The following AKT3 variants were observed in gnomAD, a reference collection of about 807,000 sequenced individuals.
AKT3 encodes the protein AKT serine/threonine kinase 3.
Under a neutral mutation model 65.3 loss-of-function variants are expected in AKT3, and 15 were observed. The ratio of observed to expected loss-of-function variants is 0.23; its 90% CI spans 0.15 to 0.35. AKT3 has a LOEUF of 0.35. Ranked by LOEUF, AKT3 falls within the 10% of genes least tolerant of loss-of-function variation. The pLI is 1.00. For missense variants in AKT3, 243 were observed against 576.5 expected (o/e 0.42, Z 5.92); for synonymous variants, 206 against 183.8 (o/e 1.12, Z -0.98).
intron 10 of AKT3, among the ~76,000 whole-genome samples, chr1:243,557,740 A>T (rs557458088): frequency 3.3e-5 from 5 of 151,880 alleles, no homozygotes; most frequent in Non-Finnish European, 7.4e-5. Context: ...TCATCCCTCT[A>T]CTCCTTTAAT....
At chr1:243,845,124 T>C (rs1172533119) in intron 1 of AKT3, among the ~76,000 whole-genome samples, 3 of 152,256 alleles carry the variant, frequency 2.0e-5, no homozygotes, top group Non-Finnish European at 4.4e-5. Flanking sequence ...CATTCTTCAA[T>C]GCAAATTAAG....
intron 2 of AKT3, among the ~76,000 whole-genome samples, chr1:243,837,410 C>T (rs545030154): frequency 1.3e-4 from 20 of 152,170 alleles, no homozygotes; most frequent in Non-Finnish European, 1.9e-4. Flanking sequence ...AAATACAATC[C>T]ACCTTATGAG....
chr1:243,708,060 A>G (rs1685915943), intron 2 of AKT3, among the ~76,000 whole-genome samples: 2 of 152,174 alleles, frequency 1.3e-5, no homozygotes, highest in African/African-American at 4.8e-5. Flanking sequence ...TATCAAAGAC[A>G]CAAAAACTAA....
At chr1:243,717,266 G>A (rs961024763) in intron 2 of AKT3, among the ~76,000 whole-genome samples, 1 of 152,116 alleles carries the variant, frequency 6.6e-6, no homozygotes, top group Non-Finnish European at 1.5e-5. Context: ...AAGTCTTTTA[G>A]TATACTAGGT....
intron 2 of AKT3, among the ~76,000 whole-genome samples, chr1:243,777,322 A>C (rs1690616589): frequency 6.6e-6 from 1 of 152,178 alleles, no homozygotes; most frequent in East Asian, 1.9e-4. Flanking sequence ...CAAGAGGTGG[A>C]GCTCAGGTGG....
chr1:243,633,319 T>G (rs1214454943), intron 6 of AKT3, among the ~76,000 whole-genome samples: 1 of 152,154 alleles, frequency 6.6e-6, no homozygotes, highest in Non-Finnish European at 1.5e-5. Flanking sequence ...AGATGAAGAA[T>G]TAAAGATCTG....
At chr1:243,536,043 C>T (rs748363128) in intron 12 of AKT3, among the ~76,000 whole-genome samples, 1 of 152,026 alleles carries the variant, frequency 6.6e-6, no homozygotes, top group Non-Finnish European at 1.5e-5. Flanking sequence ...AATGTGTATT[C>T]ATGTTGCTTG....
At chr1:243,499,126 T>TGAACTTGTGATTCTCCCC (rs1668840049), downstream of AKT3, among the ~76,000 whole-genome samples, 1 of 152,242 alleles carries the variant, frequency 6.6e-6, no homozygotes, top group Non-Finnish European at 1.5e-5. Flanking sequence ...CAATACTTTC[T>TGAACTTGTGATTCTCCCC]GAACTTGTGA....
At chr1:243,635,341 A>T (rs1391730435) in intron 6 of AKT3, among the ~76,000 whole-genome samples, 1 of 151,940 alleles carries the variant, frequency 6.6e-6, no homozygotes, top group African/African-American at 2.4e-5. Flanking sequence ...AGAGATTGCA[A>T]ATCAACAATC....
intron 12 of AKT3, among the ~76,000 whole-genome samples, chr1:243,531,223 T>C (rs1671503730): frequency 6.6e-6 from 1 of 152,184 alleles, no homozygotes; most frequent in South Asian, 2.1e-4. Flanking sequence ...CCTGAGTAGC[T>C]GAGACTACAG....
intron 2 of AKT3, among the ~76,000 whole-genome samples, chr1:243,788,415 C>A (rs888763121): frequency 6.6e-6 from 1 of 152,170 alleles, no homozygotes; most frequent in Non-Finnish European, 1.5e-5. Context: ...TGTGTGAGTG[C>A]AGCTATCCCT....
chr1:243,850,279 G>A (rs1323669677), upstream of AKT3, among the ~76,000 whole-genome samples: 2 of 145,924 alleles, frequency 1.4e-5, no homozygotes, highest in South Asian at 2.2e-4. Flanking sequence ...GGGCCGGGCC[G>A]CGGAGCTGGA....
At chr1:243,512,080 C>T (rs1181932439) in intron 13 of AKT3, among the ~76,000 whole-genome samples, 5 of 152,220 alleles carry the variant, frequency 3.3e-5, no homozygotes, top group African/African-American at 1.2e-4. Context: ...ATTTCATCTA[C>T]AATTTCTCTC....
intron 8 of AKT3, among the ~76,000 whole-genome samples, chr1:243,597,416 T>C (rs1462164597): frequency 1.3e-5 from 2 of 152,244 alleles, no homozygotes; most frequent in Non-Finnish European, 2.9e-5. Context: ...TGGTAAGATT[T>C]AGAGTGGTTT....
intron 2 of AKT3, among the ~76,000 whole-genome samples, chr1:243,716,557 T>C (rs1295569182): frequency 6.6e-6 from 1 of 152,154 alleles, no homozygotes; most frequent in Non-Finnish European, 1.5e-5. Flanking sequence ...AAACCTAACA[T>C]ATGGATATGG....
At chr1:243,799,744 A>G (rs1460940493) in intron 2 of AKT3, among the ~76,000 whole-genome samples, 1 of 152,212 alleles carries the variant, frequency 6.6e-6, no homozygotes, top group Non-Finnish European at 1.5e-5. Context: ...AGCTTTTTTG[A>G]AAGTCTGATT....
At chr1:243,629,293 A>C (rs1679417377) in intron 6 of AKT3, among the ~76,000 whole-genome samples, 1 of 152,100 alleles carries the variant, frequency 6.6e-6, no homozygotes, top group South Asian at 2.1e-4. Flanking sequence ...AAATAAGTAA[A>C]CAAAATAAAT....
At chr1:243,759,468 A>G (rs1205398813) in intron 2 of AKT3, among the ~76,000 whole-genome samples, 2 of 152,018 alleles carry the variant, frequency 1.3e-5, no homozygotes, top group African/African-American at 4.8e-5. Context: ...ACTTAGGTGA[A>G]AGCTAAATTA....
chr1:243,785,339 A>G (rs746730388), intron 2 of AKT3, among the ~76,000 whole-genome samples: 7 of 151,838 alleles, frequency 4.6e-5, no homozygotes, highest in Non-Finnish European at 1.0e-4. Flanking sequence ...CGGCCTCCCA[A>G]AGTGTTGGGA....
Sources: gnomAD v4.1 joint callset for allele counts (sites outside exome capture counted in the v4.1 genomes callset) on GRCh38, gnomAD v4.1.1 for gene constraint, MANE v1.5 for transcripts, NCBI Gene and HGNC (gene_info 2026-07-23, HGNC 2026-07-21) for gene names.